Variants in ANKRD11 observed in about 807,000 individuals in gnomAD.
ANKRD11 encodes the protein ankyrin repeat domain 11, also known as ankyrin repeat domain-containing protein 11.
In ANKRD11, 17 loss-of-function variants were observed where a neutral mutation model predicts 195.7. That is an observed-to-expected ratio of 0.09 (90% confidence interval 0.06 to 0.13). The LOEUF (loss-of-function observed/expected upper bound fraction) is 0.13. ANKRD11 is among the 10% of genes least tolerant of loss of function. The pLI is 1.00. For synonymous variants in ANKRD11, 1,953 were observed against 1,528.1 expected, an observed-to-expected ratio of 1.28 and a Z score of -6.49; for missense variants, 3,735 against 3,566.1, an observed-to-expected ratio of 1.05 and a Z score of -1.21.
chr16:89,422,601 G>A (rs937411482), intron 1 of ANKRD11, among the ~76,000 whole-genome samples: 1 of 152,126 alleles, frequency 6.6e-6, no homozygotes, highest in African/African-American at 2.4e-5. Context: ...TCAACGCCCT[G>A]GGCTCTCCCC....
In ANKRD11 at chr16:89,282,537, C is replaced by T. The variant is rs1567570781; in HGVS notation, c.4005G>A (p.Arg1335=). Reference sequence around the variant, plus strand: ...GCTTCTCAGGGAGGCAGGCGCTCTCCCTCGGCTTGTCGTCTCCAGGTGGCT... The same window carrying T: ...GCTTCTCAGGGAGGCAGGCGCTCTCTCTCGGCTTGTCGTCTCCAGGTGGCT... ...FTEPPGDDKP[R]ESACLPEKLK... is the part of the protein sequence containing the mutation. Residue 1335 remains arginine (R), a synonymous_variant, in exon 9 of 13, where the codon AGG becomes AGA. Transcript: ENST00000301030. 1 of 1,614,120 alleles carries T rather than the reference C, an allele frequency of 6.2e-7. No individual in the cohort carries two copies.
chr16:89,447,196 T>C (rs1357636219), intron 1 of ANKRD11, among the ~76,000 whole-genome samples: 1 of 152,058 alleles, frequency 6.6e-6, no homozygotes, highest in Admixed American at 6.5e-5. Context: ...TTGCAACCCA[T>C]TAGTACCAAA....
chr16:89,334,144 T>TAAAAAAAAAAAAAAAAAAAAAAAAAAAA (rs869142504), intron 2 of ANKRD11, among the ~76,000 whole-genome samples: 1 of 41,410 alleles, frequency 2.4e-5, no homozygotes, highest in African/African-American at 9.6e-5. Flanking sequence ...CCCTGTGTTT[T>TAAAAAAAAAAAAAAAAAAAAAAAAAAAA]AAAAAAAAAA....
intron 2 of ANKRD11, among the ~76,000 whole-genome samples, chr16:89,330,399 C>T (rs2037985029): frequency 6.6e-6 from 1 of 151,976 alleles, no homozygotes; most frequent in African/African-American, 2.4e-5. Context: ...CCCAGGTGGC[C>T]GCTCGCACAC....
intron 3 of ANKRD11, among the ~76,000 whole-genome samples, chr16:89,307,556 C>T (rs1008711689): frequency 1.3e-5 from 2 of 152,298 alleles, no homozygotes; most frequent in South Asian, 2.1e-4. Flanking sequence ...GCCTCAGGAA[C>T]GTAACACCCA....
chr16:89,485,663 CT>C, intron 1 of ANKRD11, among the ~76,000 whole-genome samples: 1 of 152,276 alleles, frequency 6.6e-6, no homozygotes, highest in South Asian at 2.1e-4. Context: ...AAAAAGCAAA[CT>C]TTTGCCAATT....
Position 89,284,976 on chromosome 16 carries a change from G to A in ANKRD11, c.1566C>T (p.Ser522=). The change falls in exon 9 of 13, where the codon TCC becomes TCT. Residue 522 remains serine (S), a synonymous_variant. Coordinates refer to ENST00000301030, the MANE Select transcript of ANKRD11 (RefSeq NM_013275.6). The part of the protein sequence containing the change: ...PSLFSSLSAS[S]TSSHGSSAAQ... ...CGGCAGAGCTCCCGTGAGACGAGGT[G>A]GAGGAGGCAGAGAGGGAGCTGAACA... The A allele has an allele frequency of 1.2e-6, 2 of 1,614,116 alleles. No individual in the cohort carries two copies. Among genetic ancestry groups the A allele is most frequent in the African/African-American group, 1.3e-5 (1 of 75,058 alleles).
At chr16:89,485,177 C>G (rs1378870748) in intron 1 of ANKRD11, among the ~76,000 whole-genome samples, 1 of 152,118 alleles carries the variant, frequency 6.6e-6, no homozygotes, top group South Asian at 2.1e-4. Context: ...ATTCACAGAG[C>G]CAGCTTTAGC....
At chr16:89,310,374 C>A (rs565005107) in intron 3 of ANKRD11, among the ~76,000 whole-genome samples, 14 of 152,360 alleles carry the variant, frequency 9.2e-5, no homozygotes, top group African/African-American at 3.4e-4. Flanking sequence ...ACTACACTGT[C>A]TGCATCCTCC....
At chr16:89,418,931 C>T (rs192177820) in intron 1 of ANKRD11, among the ~76,000 whole-genome samples, 3 of 152,000 alleles carry the variant, frequency 2.0e-5, no homozygotes, top group South Asian at 2.1e-4. Flanking sequence ...CACCCACCCC[C>T]GGCTGATCTG....
intron 2 of ANKRD11, among the ~76,000 whole-genome samples, chr16:89,390,722 A>C (rs1316480674): frequency 6.6e-6 from 1 of 152,188 alleles, no homozygotes; most frequent in Non-Finnish European, 1.5e-5. Flanking sequence ...CAGCACCCGT[A>C]AGTCCTGCAG....
intron 2 of ANKRD11, among the ~76,000 whole-genome samples, chr16:89,322,920 T>C (rs1017060451): frequency 1.3e-5 from 2 of 152,254 alleles, no homozygotes; most frequent in Non-Finnish European, 2.9e-5. Flanking sequence ...CACAGCTCAC[T>C]GTAGCCTCCG....
intron 3 of ANKRD11, among the ~76,000 whole-genome samples, chr16:89,309,585 G>A (rs1282864394): frequency 1.3e-5 from 2 of 152,238 alleles, no homozygotes; most frequent in Non-Finnish European, 2.9e-5. Flanking sequence ...CAAGGCGCCT[G>A]TGTGACACGA....
chr16:89,423,481 G>A (rs574327377), intron 1 of ANKRD11, among the ~76,000 whole-genome samples: 8 of 152,326 alleles, frequency 5.3e-5, no homozygotes, highest in South Asian at 2.1e-4. Flanking sequence ...AGACTAGTGC[G>A]GAGCTGTGGC....
At position 89,284,583 on chromosome 16, in the gene ANKRD11, C is replaced by T; in HGVS notation, c.1959G>A (p.Lys653=). 14 of 1,614,182 alleles carry T rather than the reference C, an allele frequency of 8.7e-6. No individual in the cohort carries two copies. The highest frequency in any genetic ancestry group is 1.2e-5 in the Non-Finnish European group (14 of 1,180,038). The change falls in exon 9 of 13, where the codon AAG becomes AAA. Residue 653 remains lysine, a synonymous_variant. Transcript: ENST00000301030. ...CATATTCGTAAGTAAAACTTTTCAACTTCAGCTCTTGGCTGATGGAACACT... is the reference window on the plus strand; with the variant it reads ...CATATTCGTAAGTAAAACTTTTCAATTTCAGCTCTTGGCTGATGGAACACT... ...KGQCSISQEL[K]LKSFTYEYED...
chr16:89,313,917 G>C (rs771134039), intron 3 of ANKRD11, among the ~76,000 whole-genome samples: 8 of 152,208 alleles, frequency 5.3e-5, no homozygotes, highest in Non-Finnish European at 1.0e-4. Context: ...TGGCTTTACT[G>C]TGAGTAGTTG....
At chr16:89,416,671 T>G (rs1159839374) in intron 2 of ANKRD11, among the ~76,000 whole-genome samples, 6 of 151,110 alleles carry the variant, frequency 4.0e-5, no homozygotes, top group African/African-American at 1.5e-4. Flanking sequence ...GGCTCACACC[T>G]GTAATCCCAG....
intron 1 of ANKRD11, among the ~76,000 whole-genome samples, chr16:89,452,987 T>C (rs561739417): frequency 3.7e-4 from 57 of 152,284 alleles, no homozygotes; most frequent in African/African-American, 1.3e-3. Flanking sequence ...GGCCTCCTTA[T>C]GTTGCCCAGG....
rs544538562 is a variant in ANKRD11, at chr16:89,403,423, G to A, written c.-60+14861C>T. Among the ~76,000 whole-genome samples the A allele has an allele frequency of 5.9e-5, 9 of 152,276 alleles. No homozygotes were observed. The East Asian group carries it at 1.7e-3, about 29-fold the overall frequency. ...AGCACACGCAGGTGAGGGCAGAGCGGGGAACCCAAGTCCCGAGGAAGTTTC... is the reference window on the plus strand; with the variant it reads ...AGCACACGCAGGTGAGGGCAGAGCGAGGAACCCAAGTCCCGAGGAAGTTTC... On this transcript the variant is annotated intron_variant, in intron 2 of 12. Coordinates refer to ENST00000301030, the MANE Select transcript of ANKRD11 (RefSeq NM_013275.6).
Sources: gnomAD v4.1 joint callset for allele counts (sites outside exome capture counted in the v4.1 genomes callset) on GRCh38, gnomAD v4.1.1 for gene constraint, MANE v1.5 for transcripts, NCBI Gene and HGNC (gene_info 2026-07-23, HGNC 2026-07-21) for gene names.